The following CYTH3 variants were observed in gnomAD, a reference collection of about 807,000 sequenced individuals.
CYTH3 encodes cytohesin-3.
In CYTH3, 23 loss-of-function variants were observed where a neutral mutation model predicts 55.1. The ratio of observed to expected loss-of-function variants is 0.42; its 90% CI spans 0.30 to 0.59. The LOEUF is 0.59. Ranked by LOEUF, CYTH3 falls within the 20% of genes least tolerant of loss-of-function variation. The probability of loss-of-function intolerance (pLI) is 0.20; values close to 1 mark genes in which losing one functional copy is unlikely to be tolerated. For synonymous variants in CYTH3, 249 were observed against 194.9 expected (o/e 1.28, Z -2.31); for missense variants, 413 against 524.8 (o/e 0.79, Z 2.08).
At chr7:6,213,687 G>A (rs1432462480) in intron 1 of CYTH3, among the ~76,000 whole-genome samples, 3 of 151,914 alleles carry the variant, frequency 2.0e-5, no homozygotes, top group African/African-American at 4.8e-5. Context: ...CACAGCTTTG[G>A]TGCTCTCTTC....
intron 1 of CYTH3, among the ~76,000 whole-genome samples, chr7:6,269,731 G>A (rs1408748943): frequency 6.6e-6 from 1 of 152,124 alleles, no homozygotes; most frequent in African/African-American, 2.4e-5. Context: ...TCTTGTAACT[G>A]CCTTCCAGCC....
intron 1 of CYTH3, among the ~76,000 whole-genome samples, chr7:6,256,536 T>G (rs561389004): frequency 1.7e-3 from 258 of 152,254 alleles, no homozygotes; most frequent in African/African-American, 5.9e-3. Flanking sequence ...AGAATCATAA[T>G]AGGTAATACT....
chr7:6,216,855 G>C (rs1434284522), intron 1 of CYTH3, among the ~76,000 whole-genome samples: 1 of 118,654 alleles, frequency 8.4e-6, no homozygotes, highest in Admixed American at 8.5e-5. Flanking sequence ...ACAAAAAGCT[G>C]AACAGGAAAA....
intron 1 of CYTH3, among the ~76,000 whole-genome samples, chr7:6,261,022 G>C (rs1004827555): frequency 6.6e-5 from 10 of 152,266 alleles, no homozygotes; most frequent in African/African-American, 2.4e-4. Flanking sequence ...TTTCTGCCAA[G>C]AACAACTTAA....
chr7:6,251,810 C>T lies in CYTH3; in HGVS notation c.34+20664G>A, dbSNP rs148775217. Among the ~76,000 whole-genome samples, 19 of 152,258 alleles carry T rather than the reference C, an allele frequency of 1.2e-4. No individual in the cohort carries two copies. In the East Asian group the frequency reaches 3.1e-3, roughly 25 times the overall value. The stretch of plus-strand genomic sequence containing the variant: ...CTACAAAGAATAACTCAGATGGTTA[C>T]CACAGAATCGCATGAGTTCTTCACA... On this transcript the variant is annotated intron_variant, in intron 1 of 12. Transcript: ENST00000350796.
chr7:6,172,793 C>T lies in CYTH3; in HGVS notation c.449+860G>A, dbSNP rs182118732. 1.3e-3 allele frequency: 1,608 copies of T among 1,279,594 alleles called. 5 individuals carry two copies. The highest frequency in any genetic ancestry group is 9.0e-3 in the Middle Eastern group (40 of 4,434). 79.3% of individuals were successfully genotyped at this position (1,279,594 alleles called of 1,614,324 possible). Reference sequence around the variant, plus strand: ...AACGCAATCTGATAAGCCTGAACTGCGGCTGCAGGATTCTTATATGTTGCG... The same window carrying T: ...AACGCAATCTGATAAGCCTGAACTGTGGCTGCAGGATTCTTATATGTTGCG... On this transcript the variant is annotated intron_variant, in intron 6 of 12. Coordinates refer to ENST00000350796, the MANE Select transcript of CYTH3 (RefSeq NM_004227.4).
intron 1 of CYTH3, among the ~76,000 whole-genome samples, chr7:6,269,796 G>C (rs1369439422): frequency 6.6e-6 from 1 of 152,018 alleles, no homozygotes; most frequent in Admixed American, 6.6e-5. Flanking sequence ...CAATACAGTG[G>C]ACAAAAAGCT....
At chr7:6,227,251 T>C (rs925029156) in intron 1 of CYTH3, among the ~76,000 whole-genome samples, 1 of 152,008 alleles carries the variant, frequency 6.6e-6, no homozygotes, top group Non-Finnish European at 1.5e-5. Flanking sequence ...ATGGAAAAAT[T>C]ATATTCAAAG....
rs1234655942 is a variant in CYTH3, at chr7:6,167,787, C to T, written c.824-1977G>A. On this transcript the variant is annotated intron_variant, in intron 9 of 12. Coordinates refer to ENST00000350796, the MANE Select transcript of CYTH3 (RefSeq NM_004227.4). The surrounding 1 kb of genome is among the most constrained non-coding windows in gnomAD (Gnocchi z 5.5). Reference sequence around the variant, plus strand: ...AGCGCCTGCTCTCTTCCTCCACGCTCCCAGCATGGTGGACAGCAAAGGACC... The same window carrying T: ...AGCGCCTGCTCTCTTCCTCCACGCTTCCAGCATGGTGGACAGCAAAGGACC... 6.6e-6 allele frequency among the ~76,000 whole-genome samples: 1 copy of T among 152,262 alleles called. No individual in the cohort carries two copies. The highest frequency in any genetic ancestry group is 1.5e-5 in the Non-Finnish European group (1 of 68,044).
Position 6,165,365 on chromosome 7 carries a change from C to T in CYTH3, c.1035G>A (p.Glu345=), listed in dbSNP as rs1431702774. The change falls in exon 12 of 13, where the codon GAG becomes GAA. Residue 345 remains glutamate, a synonymous_variant. Coordinates refer to ENST00000350796, the MANE Select transcript of CYTH3 (RefSeq NM_004227.4). ...TCCCCTCTACCACGCGGCCGTCGGC[C>T]TCAGTCTTACAGGCCTTGATGACCT... ...KGQVIKACKT[E]ADGRVVEGNH... 1 of 1,614,194 alleles carries T rather than the reference C, an allele frequency of 6.2e-7. No individual in the cohort carries two copies. The highest frequency in any genetic ancestry group is 8.5e-7 in the Non-Finnish European group (1 of 1,180,030).
intron 1 of CYTH3, among the ~76,000 whole-genome samples, chr7:6,201,692 C>G (rs529448736): frequency 9.2e-5 from 14 of 152,190 alleles, no homozygotes; most frequent in South Asian, 2.1e-4. Flanking sequence ...CTAAAATGCT[C>G]AACAACAACA....
rs1583733421 is a variant in CYTH3 at position 6,170,409 on chromosome 7, C to T, written c.823+126G>A. The T allele has an allele frequency of 4.6e-6, 4 of 871,854 alleles. No homozygotes were observed. The highest frequency in any genetic ancestry group is 2.9e-5 in the Admixed American group (1 of 34,522). The allele number at this position is 871,854 out of a possible 1,614,324, so 54.0% of individuals were successfully genotyped here. On this transcript the variant is annotated intron_variant, in intron 9 of 12. Transcript: ENST00000350796. The surrounding 1 kb of genome is among the most constrained non-coding windows in gnomAD (Gnocchi z 7.8). ...TACCGAGAGCGGGCTCTGGCTTAAC[C>T]GCGTTTCTTTTTAACGTCTCTGCCT...
intron 2 of CYTH3, 124 bp from the exon 3 acceptor site, chr7:6,187,845 A>G (rs1055772765): frequency 9.1e-6 from 7 of 768,958 alleles, no homozygotes; most frequent in African/African-American, 1.7e-5. Context: ...ACAGGGATGG[A>G]AAAACCAATA....
At chr7:6,269,732 C>T (rs750546532) in intron 1 of CYTH3, among the ~76,000 whole-genome samples, 1 of 152,188 alleles carries the variant, frequency 6.6e-6, no homozygotes, top group Non-Finnish European at 1.5e-5. Context: ...CTTGTAACTG[C>T]CTTCCAGCCA....
intron 1 of CYTH3, among the ~76,000 whole-genome samples, chr7:6,254,657 C>T (rs560320970): frequency 3.2e-4 from 48 of 152,280 alleles, no homozygotes; most frequent in African/African-American, 1.1e-3. Context: ...ACCATGTTGG[C>T]CAGGCTGGTC....
chr7:6,214,284 G>C (rs1366239142), intron 1 of CYTH3, among the ~76,000 whole-genome samples: 3 of 152,138 alleles, frequency 2.0e-5, no homozygotes, highest in Admixed American at 2.0e-4. Flanking sequence ...TTGTGTACTT[G>C]AAATTTTTCA....
At chr7:6,252,914 G>A (rs1780010889) in intron 1 of CYTH3, among the ~76,000 whole-genome samples, 1 of 152,158 alleles carries the variant, frequency 6.6e-6, no homozygotes, top group African/African-American at 2.4e-5. Context: ...CCGGATGGGT[G>A]TGAGTCTGAG....
chr7:6,242,346 G>A (rs1422496801), intron 1 of CYTH3, among the ~76,000 whole-genome samples: 4 of 149,878 alleles, frequency 2.7e-5, no homozygotes, highest in Non-Finnish European at 5.9e-5. Flanking sequence ...AAAGTGCTGG[G>A]ATTACAGACA....
At chr7:6,213,530 G>A (rs974173431) in intron 1 of CYTH3, among the ~76,000 whole-genome samples, 21 of 152,016 alleles carry the variant, frequency 1.4e-4, no homozygotes, top group African/African-American at 4.8e-4. Context: ...GTGTCCCCAT[G>A]GTTTTTTGTT....
Sources: gnomAD v4.1 joint callset for allele counts (sites outside exome capture counted in the v4.1 genomes callset) on GRCh38, gnomAD v4.1.1 for gene constraint, Gnocchi (gnomAD v3.1) non-coding constraint, MANE v1.5 for transcripts, NCBI Gene and HGNC (gene_info 2026-07-23, HGNC 2026-07-21) for gene names.